The following KCNQ3 variants were observed in gnomAD, a reference collection of about 807,000 sequenced individuals.
The protein encoded by KCNQ3 is potassium voltage-gated channel subfamily KQT member 3.
KCNQ3 carries 30 observed loss-of-function variants against 92.5 expected under a neutral mutation model. The ratio of observed to expected loss-of-function variants is 0.32; its 90% CI spans 0.24 to 0.44. The LOEUF (loss-of-function observed/expected upper bound fraction) is 0.44, where lower values mean the gene tolerates loss of function less well. Ranked by LOEUF, KCNQ3 falls within the 20% of genes least tolerant of loss-of-function variation. The probability of loss-of-function intolerance (pLI) is 1.00; values close to 1 mark genes in which losing one functional copy is unlikely to be tolerated. For synonymous variants in KCNQ3, 450 were observed against 468.8 expected (o/e 0.96, Z 0.52); for missense variants, 913 against 1,140.3 (o/e 0.80, Z 2.87).
intron 1 of KCNQ3, among the ~76,000 whole-genome samples, chr8:132,474,299 T>C (rs565861960): frequency 6.6e-6 from 1 of 152,328 alleles, no homozygotes. Flanking sequence ...CACCCTGTGA[T>C]AGGGTAGTGT....
intron 1 of KCNQ3, among the ~76,000 whole-genome samples, chr8:132,340,885 A>G (rs1359878593): frequency 6.6e-6 from 1 of 152,222 alleles, no homozygotes; most frequent in African/African-American, 2.4e-5. Context: ...ACGTACTGAG[A>G]GCTAGGAACT....
intron 1 of KCNQ3, among the ~76,000 whole-genome samples, chr8:132,382,639 T>C (rs535359756): frequency 6.6e-6 from 1 of 152,272 alleles, no homozygotes; most frequent in Non-Finnish European, 1.5e-5. Flanking sequence ...GGTCAGGCAT[T>C]TTGAAGTGAA....
intron 1 of KCNQ3, among the ~76,000 whole-genome samples, chr8:132,413,017 A>G (rs866275816): frequency 3.3e-5 from 5 of 152,372 alleles, no homozygotes; most frequent in Non-Finnish European, 4.4e-5. Flanking sequence ...TAGGCTCTCA[A>G]GAAGTATTTC....
chr8:132,133,514 C>T (rs185517705), intron 13 of KCNQ3, among the ~76,000 whole-genome samples: 37 of 152,144 alleles, frequency 2.4e-4, no homozygotes, highest in African/African-American at 8.2e-4. Flanking sequence ...CGCCACCACG[C>T]CCAGCTAATT....
At position 132,129,062 on chromosome 8, in the gene KCNQ3, A is replaced by C; in HGVS notation, c.*200T>G. On this transcript the variant is annotated 3_prime_UTR_variant, in exon 15 of 15. Transcript: ENST00000388996. This position sits in a 1 kb window ranked among gnomAD's most constrained non-coding sequence, Gnocchi z 5.9. Reference sequence around the variant, plus strand: ...TATATAGTGTAAAGTCATGCAAACCATGCTGAAAAGGAAGCACTTTGTTGT... The same window carrying C: ...TATATAGTGTAAAGTCATGCAAACCCTGCTGAAAAGGAAGCACTTTGTTGT... 1.6e-6 allele frequency: 1 copy of C among 613,834 alleles called. No homozygotes were observed. Among genetic ancestry groups the C allele is most frequent in the African/African-American group, 1.8e-5 (1 of 54,348 alleles). 38.0% of individuals were successfully genotyped at this position (613,834 alleles called of 1,614,324 possible).
At chr8:132,181,479 C>T (rs1826772896) in intron 3 of KCNQ3, among the ~76,000 whole-genome samples, 1 of 152,174 alleles carries the variant, frequency 6.6e-6, no homozygotes, top group African/African-American at 2.4e-5. Context: ...CAGATATACA[C>T]TGTGGTTCTC....
chr8:132,315,086 A>G (rs1817702718), intron 1 of KCNQ3, among the ~76,000 whole-genome samples: 3 of 152,232 alleles, frequency 2.0e-5, no homozygotes, highest in Admixed American at 6.5e-5. Context: ...GATGAGTAGC[A>G]TGTTCTGCTT....
At chr8:132,397,589 A>G (rs1037117571) in intron 1 of KCNQ3, among the ~76,000 whole-genome samples, 4 of 152,146 alleles carry the variant, frequency 2.6e-5, no homozygotes, top group African/African-American at 7.2e-5. Context: ...GGGAAGTAGG[A>G]TATGTTTTAC....
chr8:132,259,829 A>T (rs1484027657), intron 1 of KCNQ3, among the ~76,000 whole-genome samples: 2 of 152,200 alleles, frequency 1.3e-5, no homozygotes, highest in African/African-American at 4.8e-5. Context: ...TCAATATTCA[A>T]AAATGAACTA....
chr8:132,205,193 A>C (rs1278666365), intron 1 of KCNQ3, among the ~76,000 whole-genome samples: 2 of 152,236 alleles, frequency 1.3e-5, no homozygotes, highest in African/African-American at 4.8e-5. Flanking sequence ...AAAGATAAGA[A>C]GGTAAACCTT....
chr8:132,418,156 C>A (rs1211420573), intron 1 of KCNQ3, among the ~76,000 whole-genome samples: 2 of 152,060 alleles, frequency 1.3e-5, no homozygotes, highest in Non-Finnish European at 2.9e-5. Flanking sequence ...AACATATTAC[C>A]CACACTGAGT....
intron 1 of KCNQ3, among the ~76,000 whole-genome samples, chr8:132,472,185 A>G (rs1245836149): frequency 6.6e-6 from 1 of 152,174 alleles, no homozygotes; most frequent in African/African-American, 2.4e-5. Context: ...TACAGCCACT[A>G]TGGAAAGCAA....
intron 14 of KCNQ3, among the ~76,000 whole-genome samples, chr8:132,130,832 T>G (rs1057263712): frequency 2.6e-5 from 4 of 152,242 alleles, no homozygotes; most frequent in Non-Finnish European, 5.9e-5. Flanking sequence ...TTACTTGAAC[T>G]TTTGTGAATG....
At chr8:132,341,187 T>C (rs1290548415) in intron 1 of KCNQ3, among the ~76,000 whole-genome samples, 2 of 152,180 alleles carry the variant, frequency 1.3e-5, no homozygotes, top group Admixed American at 6.5e-5. Context: ...CGTCAAACAC[T>C]GAGGAAGAGG....
At chr8:132,463,382 G>A (rs887181131) in intron 1 of KCNQ3, among the ~76,000 whole-genome samples, 1 of 152,292 alleles carries the variant, frequency 6.6e-6, no homozygotes, top group East Asian at 1.9e-4. Context: ...GACAGCCAAA[G>A]CAAACAAAAC....
chr8:132,210,161 A>G (rs562762044), intron 1 of KCNQ3, among the ~76,000 whole-genome samples: 1 of 152,298 alleles, frequency 6.6e-6, no homozygotes, highest in African/African-American at 2.4e-5. Context: ...CTAATGTACT[A>G]GCTCTGGGTG....
chr8:132,204,574 C>A (rs1286423834), intron 1 of KCNQ3, among the ~76,000 whole-genome samples: 2 of 152,190 alleles, frequency 1.3e-5, no homozygotes, highest in Admixed American at 1.3e-4. Context: ...CTCCTCCTAA[C>A]CCACCATCTC....
intron 1 of KCNQ3, among the ~76,000 whole-genome samples, chr8:132,388,104 A>T (rs1485969054): frequency 6.6e-6 from 1 of 152,224 alleles, no homozygotes; most frequent in African/African-American, 2.4e-5. Flanking sequence ...AACATTTTCA[A>T]ATTCACTGGA....
At chr8:132,146,507 A>C (rs1825453815) in intron 9 of KCNQ3, among the ~76,000 whole-genome samples, 1 of 152,208 alleles carries the variant, frequency 6.6e-6, no homozygotes. Context: ...GCGTTGTTTA[A>C]TAGAAATGAA....
Sources: gnomAD v4.1 joint callset for allele counts (sites outside exome capture counted in the v4.1 genomes callset) on GRCh38, gnomAD v4.1.1 for gene constraint, Gnocchi (gnomAD v3.1) non-coding constraint, MANE v1.5 for transcripts, NCBI Gene and HGNC (gene_info 2026-07-23, HGNC 2026-07-21) for gene names.